B9D1: variants seen among roughly 807,000 people sequenced by gnomAD.
The protein encoded by B9D1 is B9 domain containing 1, also known as B9 domain-containing protein 1.
B9D1 carries 20 observed loss-of-function variants against 26.1 expected under a neutral mutation model. The observed-to-expected ratio is 0.77, with a 90% CI of 0.54 to 1.12. B9D1 has a LOEUF of 1.12. Among genes scored for constraint, B9D1 ranks in the 50% most tolerant of loss-of-function variants. B9D1 has a pLI of 0.00. For synonymous variants in B9D1, 105 were observed against 103.1 expected (o/e 1.02, Z -0.11); for missense variants, 260 against 273.7 (o/e 0.95, Z 0.35).
At chr17:19,343,510 G>C in intron 6 of B9D1, 49 bp from the exon 7 acceptor site, 1 of 1,612,816 alleles carries the variant, frequency 6.2e-7, no homozygotes, top group Non-Finnish European at 8.5e-7. Flanking sequence ...GGCAGAGAGA[G>C]ACCCAGGTTG....
rs991493521 is a variant in B9D1, at chr17:19,347,485, CCT to C, written c.342-156_342-155del. Among the ~76,000 whole-genome samples, 39 of 152,312 alleles carry C rather than the reference CCT, an allele frequency of 2.6e-4. No individual in the cohort carries two copies. The highest frequency in any genetic ancestry group is 3.4e-3 in the Middle Eastern group (1 of 294). On this transcript the variant is annotated intron_variant, in intron 4 of 6. Coordinates refer to ENST00000261499, the MANE Select transcript of B9D1 (RefSeq NM_015681.6). This position sits in a 1 kb window ranked among gnomAD's most constrained non-coding sequence, Gnocchi z 4.3. Reference sequence around the variant, plus strand: ...TCCAACCTGTGCTAACTGAGCACCCCCTGTGTCTGGGCAAGGTGCTGAGCGCC... The same window carrying C: ...TCCAACCTGTGCTAACTGAGCACCCCGTGTCTGGGCAAGGTGCTGAGCGCC...
upstream of B9D1, chr17:19,362,826 G>A: frequency 2.8e-6 from 3 of 1,062,078 alleles, no homozygotes; most frequent in South Asian, 4.3e-5. Context: ...ACCGAGAGCT[G>A]GGGCGGGAGC....
Position 19,343,554 on chromosome 17 carries a change from T to C in B9D1, c.473-93A>G, listed in dbSNP as rs7221577. 8,867 of 1,593,224 alleles carry C rather than the reference T, an allele frequency of 5.6e-3. 222 individuals are homozygous for C. The highest frequency in any genetic ancestry group is 0.053 in the South Asian group (4,707 of 88,652). On this transcript the variant is annotated intron_variant, in intron 6 of 6. Transcript: ENST00000261499. ...ATCTCAGCCTCAGCGTTCTCATCTG[T>C]AAAATGGGGACAACAGTGCCTGACC...
intron 3 of B9D1, among the ~76,000 whole-genome samples, chr17:19,351,919 G>A (rs914515527): frequency 2.0e-5 from 3 of 151,900 alleles, no homozygotes; most frequent in African/African-American, 4.8e-5. Context: ...AGGGTCTAGC[G>A]CTGGCACCCA....
chr17:19,373,665 C>T (rs1016109443), intron 1 of B9D1, among the ~76,000 whole-genome samples: 1 of 152,108 alleles, frequency 6.6e-6, no homozygotes, highest in African/African-American at 2.4e-5. Context: ...TCCCAAAGTG[C>T]CAGGATTGAG....
At chr17:19,366,392 G>A (rs1263524750), upstream of B9D1, among the ~76,000 whole-genome samples, 3 of 151,996 alleles carry the variant, frequency 2.0e-5, no homozygotes, top group South Asian at 2.1e-4. Context: ...GCTCTGCCCC[G>A]TCTCAGGTAA....
intron 1 of B9D1, among the ~76,000 whole-genome samples, chr17:19,361,962 G>T (rs1303053359): frequency 1.3e-5 from 2 of 152,214 alleles, no homozygotes; most frequent in Non-Finnish European, 2.9e-5. Flanking sequence ...CTTGGTGAGC[G>T]TTGGTTTATA....
upstream of B9D1, among the ~76,000 whole-genome samples, chr17:19,364,762 C>T (rs1414037630): frequency 2.6e-5 from 4 of 152,226 alleles, no homozygotes; most frequent in East Asian, 1.9e-4. The surrounding 1 kb of genome is among the most constrained non-coding windows in gnomAD (Gnocchi z 4.3). Context: ...AGACATTCCT[C>T]GCTCCCACCT....
intron 5 of B9D1, 50 bp from the exon 6 acceptor site, chr17:19,343,907 T>C (rs1908336298): frequency 6.2e-7 from 1 of 1,611,912 alleles, no homozygotes; most frequent in African/African-American, 1.3e-5. Flanking sequence ...TGGGCATTCC[T>C]GGTCTTGGAC....
chr17:19,335,219 TTTTCC>T (rs1277372276), downstream of B9D1: 7 of 465,564 alleles, frequency 1.5e-5, no homozygotes, highest in South Asian at 2.1e-4. Context: ...TCCAGTTGCC[TTTTCC>T]TTTCTTTAGC....
At chr17:19,334,863 T>G (rs567451368), downstream of B9D1, 1 of 153,360 alleles carries the variant, frequency 6.5e-6, no homozygotes, top group African/African-American at 2.4e-5. This position sits in a 1 kb window ranked among gnomAD's most constrained non-coding sequence, Gnocchi z 4.9. Flanking sequence ...TTGCACATAT[T>G]TTGTTTAGTA....
At chr17:19,337,751 A>G (rs1053416210), downstream of B9D1, 1 of 1,534,370 alleles carries the variant, frequency 6.5e-7, no homozygotes, top group Non-Finnish European at 8.7e-7. Flanking sequence ...GAAGGTGGCT[A>G]TGAAGGGAAA....
rs1909116991 is a variant in B9D1 at position 19,348,183 on chromosome 17, T to C, written c.245-303A>G. Among the ~76,000 whole-genome samples the C allele has an allele frequency of 2.6e-5, 4 of 151,684 alleles. 1 individual carries two copies. In the South Asian group the frequency reaches 8.4e-4, roughly 32 times the overall value. ...CAAGGAGGCACTTCCAGAGGCCTTATCTGGGCCCAGGGCCCCAGCTATGAT... is the reference window on the plus strand; with the variant it reads ...CAAGGAGGCACTTCCAGAGGCCTTACCTGGGCCCAGGGCCCCAGCTATGAT... On this transcript the variant is annotated intron_variant, in intron 3 of 6. Coordinates refer to ENST00000261499, the MANE Select transcript of B9D1 (RefSeq NM_015681.6).
chr17:19,347,937 G>T lies in B9D1; in HGVS notation c.245-57C>A. ...TGAGGACACACAGGGGAGGTGCAGG[G>T]CAGAGAACAGGGCGTGTCCAGCTGA... On this transcript the variant is annotated intron_variant, in intron 3 of 6. Coordinates refer to ENST00000261499, the MANE Select transcript of B9D1 (RefSeq NM_015681.6). The surrounding 1 kb of genome is among the most constrained non-coding windows in gnomAD (Gnocchi z 4.3). 1.5e-5 allele frequency: 22 copies of T among 1,465,358 alleles called. No homozygotes were observed. Among genetic ancestry groups the T allele is most frequent in the Non-Finnish European group, 1.9e-5 (20 of 1,048,644 alleles). The allele number at this position is 1,465,358 out of a possible 1,614,324, so 90.8% of individuals were successfully genotyped here.
In B9D1 at chr17:19,357,878, G is replaced by A; in HGVS notation, c.206C>T (p.Pro69Leu). The change falls in exon 3 of 7, where the codon CCC becomes CTC. Residue 69 changes from proline (P) to leucine (L), a missense_variant. Physicochemically the swap from Pro to Leu is moderately conservative, Grantham distance 98. Coordinates refer to ENST00000261499, the MANE Select transcript of B9D1 (RefSeq NM_015681.6). ...DVRQALVWNF[P>L]IDVTFKSTNP... The stretch of plus-strand genomic sequence containing the variant: ...GGTGCTTTTAAAGGTGACATCAATG[G>A]GGAAGTTCCACACCAGTGCTTGCCG... The A allele has an allele frequency of 6.2e-7, 1 of 1,614,076 alleles. No homozygotes were observed. The highest frequency in any genetic ancestry group is 2.2e-5 in the East Asian group (1 of 44,880).
chr17:19,343,839 C>T lies in B9D1; in HGVS notation c.423G>A (p.Arg141=), dbSNP rs763481692. 1 of 1,614,018 alleles carries T rather than the reference C, an allele frequency of 6.2e-7. No homozygotes were observed. Among genetic ancestry groups the T allele is most frequent in the African/African-American group, 1.3e-5 (1 of 75,038 alleles). ...QKFTSWFMGR[R]PEYTDPKVVA... ...CCACCTTGGGGTCTGTGTACTCGGG[C>T]CGCCGCCCCATGAACCAGCTGGGAA... The change falls in exon 6 of 7, where the codon CGG becomes CGA. Residue 141 remains arginine, a synonymous_variant. Coordinates refer to ENST00000261499, the MANE Select transcript of B9D1 (RefSeq NM_015681.6).
At chr17:19,352,080 C>T (rs1909681533) in intron 3 of B9D1, among the ~76,000 whole-genome samples, 1 of 151,940 alleles carries the variant, frequency 6.6e-6, no homozygotes. Flanking sequence ...GAGACAGGGT[C>T]TCACCATGTT....
chr17:19,343,007 C>T (rs1224951763), downstream of B9D1: 3 of 1,085,932 alleles, frequency 2.8e-6, no homozygotes, highest in Non-Finnish European at 3.6e-6. Flanking sequence ...TGTCAAAGCT[C>T]CCATCCCACA....
At chr17:19,335,411 A>C (rs1907361625), downstream of B9D1, 3 of 1,549,896 alleles carry the variant, frequency 1.9e-6, no homozygotes, top group Admixed American at 3.9e-5. Context: ...AAAGGCATGC[A>C]GGGATTAACA....
Sources: gnomAD v4.1 joint callset for allele counts (sites outside exome capture counted in the v4.1 genomes callset) on GRCh38, gnomAD v4.1.1 for gene constraint, Gnocchi (gnomAD v3.1) non-coding constraint, MANE v1.5 for transcripts, NCBI Gene and HGNC (gene_info 2026-07-23, HGNC 2026-07-21) for gene names.